DNAH8: variants seen among roughly 807,000 people sequenced by gnomAD.
The protein encoded by DNAH8 is dynein axonemal heavy chain 8, also known as axonemal beta dynein heavy chain 8.
In DNAH8, 382 loss-of-function variants were observed where a neutral mutation model predicts 562.1. The ratio of observed to expected loss-of-function variants is 0.68; its 90% confidence interval spans 0.63 to 0.74. The LOEUF is 0.74. DNAH8 is among the 30% of genes least tolerant of loss of function. DNAH8 has a pLI of 0.00. For missense variants in DNAH8, 5,203 were observed against 5,620.4 expected (o/e 0.93, Z 2.37); for synonymous variants, 1,881 against 1,919.4 (o/e 0.98, Z 0.52).
In DNAH8 at chr6:38,889,092, C is replaced by T. The variant is rs540899462; in HGVS notation, c.8474-1560C>T. Among the ~76,000 whole-genome samples, 12 of 152,278 alleles carry T rather than the reference C, an allele frequency of 7.9e-5. No homozygotes were observed. The East Asian group carries it at 1.9e-3, about 24-fold the overall frequency. On this transcript the variant is annotated intron_variant, in intron 57 of 92. Coordinates refer to ENST00000327475, the MANE Select transcript of DNAH8 (RefSeq NM_001206927.2). The stretch of plus-strand genomic sequence containing the variant: ...TTATACAAAAATGCTCATAGTGCAG[C>T]GTACACAATGGCAAAAACGTGAAAT...
At chr6:39,006,248 T>G (rs1765792332) in intron 88 of DNAH8, among the ~76,000 whole-genome samples, 1 of 152,278 alleles carries the variant, frequency 6.6e-6, no homozygotes, top group Admixed American at 6.5e-5. Flanking sequence ...GCTGCTGACT[T>G]TGTGGCAATT....
intron 8 of DNAH8, among the ~76,000 whole-genome samples, chr6:38,743,553 A>G (rs2654447): frequency 2.6e-5 from 4 of 151,838 alleles, no homozygotes; most frequent in African/African-American, 9.7e-5. Context: ...CCCATTTCCA[A>G]CATTCCCCCT....
At chr6:39,007,631 A>G (rs1765879277) in intron 88 of DNAH8, among the ~76,000 whole-genome samples, 1 of 152,250 alleles carries the variant, frequency 6.6e-6, no homozygotes, top group South Asian at 2.1e-4. Flanking sequence ...AAGTTCCCAT[A>G]TAACCCTGCA....
At position 38,822,866 on chromosome 6, in the gene DNAH8, G is replaced by C. The variant is rs775809056; in HGVS notation, c.3552G>C (p.Arg1184Ser). The C allele has an allele frequency of 6.2e-7, 1 of 1,602,972 alleles. No individual in the cohort carries two copies. The highest frequency in any genetic ancestry group is 1.1e-5 in the South Asian group (1 of 88,346). ...ERSFEEAIPA[R>S]KLKNFYPGVA... ...CTTTTGAAGAAGCTATTCCTGCGAGGAAGCTGAAGAATTTTTACCCGGGGG... is the reference window on the plus strand; with the variant it reads ...CTTTTGAAGAAGCTATTCCTGCGAGCAAGCTGAAGAATTTTTACCCGGGGG... Residue 1184 changes from arginine (R) to serine (S), a missense_variant, in exon 27 of 93, where the codon AGG (arginine) becomes AGC (serine). Transcript: ENST00000327475.
intron 91 of DNAH8, among the ~76,000 whole-genome samples, chr6:39,022,171 G>C (rs906194613): frequency 6.6e-6 from 1 of 152,178 alleles, no homozygotes; most frequent in African/African-American, 2.4e-5. Flanking sequence ...TTTGGATTTT[G>C]TGTGTGTGGG....
intron 80 of DNAH8, among the ~76,000 whole-genome samples, chr6:38,946,683 G>A (rs1049599737): frequency 1.4e-4 from 21 of 152,282 alleles, no homozygotes; most frequent in African/African-American, 5.1e-4. Flanking sequence ...GGTGGCGGGT[G>A]CCTGTAATCC....
Position 38,832,367 on chromosome 6 carries a change from A to G in DNAH8, c.4234A>G (p.Ser1412Gly). 6.2e-7 allele frequency: 1 copy of G among 1,613,960 alleles called. No individual in the cohort carries two copies. ...DLVQVQPKFK[S>G]NLLESVEVFR... ...AGTTCAAGTGCAGCCAAAGTTTAAA[A>G]GCAATCTACTTGAGTCTGTGGAAGT... The change falls in exon 31 of 93, where the codon AGC becomes GGC. Residue 1412 changes from serine (S) to glycine (G), a missense_variant. Physicochemically the swap from Ser to Gly is moderately conservative, Grantham distance 56 (BLOSUM62 0). Around this residue, in one of 6 missense-constraint regions of DNAH8, gnomAD observed 2,176 missense variants for 2,365.1 expected, o/e 0.92. Coordinates refer to ENST00000327475, the MANE Select transcript of DNAH8 (RefSeq NM_001206927.2).
At chr6:39,006,686 G>C (rs1765817121) in intron 88 of DNAH8, among the ~76,000 whole-genome samples, 1 of 152,146 alleles carries the variant, frequency 6.6e-6, no homozygotes, top group Non-Finnish European at 1.5e-5. Flanking sequence ...ATAAATTCTT[G>C]GCTTGAGCTT....
chr6:38,800,672 A>G (rs1300606997), intron 21 of DNAH8, among the ~76,000 whole-genome samples: 1 of 152,046 alleles, frequency 6.6e-6, no homozygotes, highest in Non-Finnish European at 1.5e-5. Flanking sequence ...ATGTGCCACC[A>G]TGCCCGGTTA....
intron 91 of DNAH8, among the ~76,000 whole-genome samples, chr6:39,013,416 A>G (rs951157206): frequency 6.6e-6 from 1 of 152,226 alleles, no homozygotes; most frequent in African/African-American, 2.4e-5. Context: ...GCATCTCATA[A>G]AATAATGTTG....
chr6:38,968,966 G>A (rs1400495499), intron 82 of DNAH8, among the ~76,000 whole-genome samples: 2 of 152,134 alleles, frequency 1.3e-5, no homozygotes, highest in Non-Finnish European at 2.9e-5. Context: ...AAGGAATGAA[G>A]TAATACATGC....
rs113416730 is a variant in DNAH8, at chr6:38,874,829, G to T, written c.7621-762G>T. 3.7e-3 allele frequency among the ~76,000 whole-genome samples: 560 copies of T among 152,242 alleles called. 2 individuals are homozygous for T. Among genetic ancestry groups the T allele is most frequent in the Middle Eastern group, 0.014 (4 of 294 alleles). On this transcript the variant is annotated intron_variant, in intron 52 of 92. Coordinates refer to ENST00000327475, the MANE Select transcript of DNAH8 (RefSeq NM_001206927.2). Reference sequence around the variant, plus strand: ...AGTTAAGAGAGTCAGTCATTTGTGGGTAGGTTAGAAACAATATATAAGGCC... The same window carrying T: ...AGTTAAGAGAGTCAGTCATTTGTGGTTAGGTTAGAAACAATATATAAGGCC...
At chr6:39,020,912 CTA>C (rs1484368589) in intron 91 of DNAH8, among the ~76,000 whole-genome samples, 1 of 152,168 alleles carries the variant, frequency 6.6e-6, no homozygotes, top group Non-Finnish European at 1.5e-5. Flanking sequence ...TTTATCCAGT[CTA>C]TCATTGATGG....
At chr6:38,786,589 C>G (rs1015840119) in intron 17 of DNAH8, among the ~76,000 whole-genome samples, 176 bp from the exon 18 acceptor site, 6 of 152,228 alleles carry the variant, frequency 3.9e-5, no homozygotes, top group Non-Finnish European at 7.3e-5. Flanking sequence ...ATTCATTTAT[C>G]TTAGTTTTGA....
chr6:39,003,095 G>A (rs1228800090), intron 88 of DNAH8, among the ~76,000 whole-genome samples: 2 of 152,100 alleles, frequency 1.3e-5, no homozygotes, highest in Non-Finnish European at 1.5e-5. Flanking sequence ...CCCACCACAC[G>A]CAGCTTTTTC....
chr6:38,906,928 C>A (rs1285824633), intron 63 of DNAH8, among the ~76,000 whole-genome samples: 1 of 152,256 alleles, frequency 6.6e-6, no homozygotes, highest in South Asian at 2.1e-4. Flanking sequence ...ACATGATGCT[C>A]AAAGGACATG....
chr6:38,971,637 G>T lies in DNAH8; in HGVS notation c.12497G>T (p.Arg4166Leu). The T allele has an allele frequency of 6.2e-7, 1 of 1,603,412 alleles. No individual in the cohort carries two copies. The highest frequency in any genetic ancestry group is 8.5e-7 in the Non-Finnish European group (1 of 1,175,486). Residue 4166 changes from arginine (R) to leucine (L), a missense_variant, in exon 83 of 93, where the codon CGA becomes CTA. Physicochemically the swap from Arg to Leu is moderately radical, Grantham distance 102 (BLOSUM62 -2). This residue lies in a region of DNAH8 where 1,399 missense variants were observed against 1,518.4 expected (regional missense o/e 0.92). Coordinates refer to ENST00000327475, the MANE Select transcript of DNAH8 (RefSeq NM_001206927.2). Reference protein sequence around the residue: ...SMGQGQEVHARKLIQMSMQQG... With the variant: ...SMGQGQEVHALKLIQMSMQQG... The stretch of plus-strand genomic sequence containing the variant: ...GGGCAAGGACAAGAAGTACATGCTC[G>T]AAAGCTGATTCAGATGTCAATGCAG...
chr6:38,762,403 A>G (rs1245056032), intron 11 of DNAH8, among the ~76,000 whole-genome samples: 1 of 152,344 alleles, frequency 6.6e-6, no homozygotes, highest in South Asian at 2.1e-4. Flanking sequence ...AAACTGTCCT[A>G]ACGTTTCTGG....
At chr6:38,730,216 C>A (rs1763557794) in intron 4 of DNAH8, among the ~76,000 whole-genome samples, 1 of 152,180 alleles carries the variant, frequency 6.6e-6, no homozygotes, top group South Asian at 2.1e-4. Context: ...AATCACTGGC[C>A]TCTGCTGGGA....
Sources: allele counts gnomAD v4.1 joint callset (sites outside exome capture counted in the v4.1 genomes callset), GRCh38; gene constraint gnomAD v4.1.1; regional missense constraint gnomAD v4.1.1; transcripts MANE v1.5; gene names NCBI Gene and HGNC (gene_info 2026-07-23, HGNC 2026-07-21).